The following ATG10 variants were observed in gnomAD, a reference collection of about 807,000 sequenced individuals.
The protein encoded by ATG10 is ubiquitin-like-conjugating enzyme ATG10.
A neutral mutation model predicts 32.1 loss-of-function variants in ATG10; 30 were observed. That is an observed-to-expected ratio of 0.94 (90% CI 0.70 to 1.27). ATG10 has a LOEUF of 1.27. Ranked by LOEUF, ATG10 falls within the 50% of genes most tolerant of loss-of-function variation. The pLI, the probability that ATG10 is intolerant of heterozygous loss-of-function variation, is 0.00. For synonymous variants in ATG10, 87 were observed against 91.5 expected (o/e 0.95, Z 0.28); for missense variants, 233 against 262.3 (o/e 0.89, Z 0.77).
intron 2 of ATG10, among the ~76,000 whole-genome samples, chr5:82,041,762 C>T (rs1447873185): frequency 1.3e-5 from 2 of 151,710 alleles, no homozygotes; most frequent in Non-Finnish European, 2.9e-5. Flanking sequence ...TTTTAGGCCA[C>T]TTATGTCTCA....
In ATG10 at chr5:82,069,086, A is replaced by C. The variant is rs191792365; in HGVS notation, c.216+10484A>C. 1.4e-4 allele frequency among the ~76,000 whole-genome samples: 21 copies of C among 152,256 alleles called. No homozygotes were observed. The East Asian group carries it at 3.5e-3, about 25-fold the overall frequency. On this transcript the variant is annotated intron_variant, in intron 3 of 7. Transcript: ENST00000282185. ...ATATTTACAATTTTATTCCTTAGTT[A>C]AAAAGATTAATTTAAAAATACTTTA...
At chr5:82,038,644 T>G (rs767097992) in intron 2 of ATG10, among the ~76,000 whole-genome samples, 6 of 152,230 alleles carry the variant, frequency 3.9e-5, no homozygotes, top group Non-Finnish European at 8.8e-5. Flanking sequence ...TTCTAAGCTC[T>G]TCCGAGCAGA....
intron 5 of ATG10, among the ~76,000 whole-genome samples, chr5:82,228,913 C>T (rs1175174959): frequency 2.0e-5 from 3 of 152,148 alleles, no homozygotes; most frequent in African/African-American, 4.8e-5. Context: ...GCTATAAGAA[C>T]AATACCTTCC....
chr5:81,993,991 A>G (rs577647749), intron 2 of ATG10, among the ~76,000 whole-genome samples: 2 of 152,232 alleles, frequency 1.3e-5, no homozygotes, highest in East Asian at 1.9e-4. Flanking sequence ...AATGTTTACC[A>G]TCTTTTCTTT....
chr5:82,237,804 A>G (rs944881996), intron 5 of ATG10, among the ~76,000 whole-genome samples: 1 of 152,188 alleles, frequency 6.6e-6, no homozygotes, highest in Non-Finnish European at 1.5e-5. Context: ...TGAATGGTAG[A>G]TGCCCTAATG....
chr5:82,085,679 G>C (rs1037925747), intron 3 of ATG10, among the ~76,000 whole-genome samples: 9 of 151,758 alleles, frequency 5.9e-5, no homozygotes, highest in African/African-American at 2.2e-4. Context: ...GATACATGTA[G>C]AATATAGAAT....
chr5:82,100,000 GTTTTTTTTTTTTTT>G (rs869311526), intron 3 of ATG10, among the ~76,000 whole-genome samples: 2 of 58,958 alleles, frequency 3.4e-5, no homozygotes, highest in Admixed American at 4.1e-4. Context: ...CTTTTTCTGT[GTTTTTTTTTTTTTT>G]TTTTTTTTTT....
At chr5:82,021,919 A>G (rs1438091474) in intron 2 of ATG10, among the ~76,000 whole-genome samples, 1 of 151,966 alleles carries the variant, frequency 6.6e-6, no homozygotes, top group Non-Finnish European at 1.5e-5. Flanking sequence ...GCTACTCAGG[A>G]GGCTGAGGCA....
At chr5:82,009,909 C>G in intron 2 of ATG10, 19 of 1,610,722 alleles carry the variant, frequency 1.2e-5, no homozygotes, top group Non-Finnish European at 1.6e-5. Flanking sequence ...ACCACCCTGA[C>G]ACATAAACCC....
chr5:82,109,734 C>T (rs1313590534), intron 3 of ATG10, among the ~76,000 whole-genome samples: 1 of 150,030 alleles, frequency 6.7e-6, no homozygotes, highest in African/African-American at 2.4e-5. Flanking sequence ...TTCTTCGCTC[C>T]TTCCCTTCCT....
chr5:82,178,966 A>T (rs11951734), intron 5 of ATG10, among the ~76,000 whole-genome samples: 1 of 152,164 alleles, frequency 6.6e-6, no homozygotes, highest in African/African-American at 2.4e-5. Context: ...AATGCATTTC[A>T]TACACCTAAT....
intron 5 of ATG10, among the ~76,000 whole-genome samples, chr5:82,225,049 T>G (rs1746067256): frequency 2.0e-5 from 3 of 152,220 alleles, no homozygotes; most frequent in South Asian, 4.1e-4. Flanking sequence ...AAGCTGACAT[T>G]TCTTCAATAT....
At chr5:82,081,358 C>T (rs1345935683) in intron 3 of ATG10, among the ~76,000 whole-genome samples, 1 of 152,194 alleles carries the variant, frequency 6.6e-6, no homozygotes. Context: ...ATTTCTTTCT[C>T]TTGCCTGATT....
intron 5 of ATG10, among the ~76,000 whole-genome samples, chr5:82,214,447 T>G (rs866483524): frequency 4.0e-4 from 61 of 152,318 alleles, no homozygotes; most frequent in African/African-American, 1.4e-3. Context: ...TACAAAAGAT[T>G]TGCAGTTGCA....
At chr5:82,067,231 C>G (rs1054435514) in intron 3 of ATG10, among the ~76,000 whole-genome samples, 1 of 152,010 alleles carries the variant, frequency 6.6e-6, no homozygotes, top group African/African-American at 2.4e-5. Flanking sequence ...GTAGTGTGGT[C>G]TGTGAGAGGG....
rs1747427159 is a variant in ATG10 at position 82,255,395 on chromosome 5, T to C, written c.*1332T>C. 1 of 150,222 alleles carries C rather than the reference T, an allele frequency of 6.7e-6. No homozygotes were observed. The highest frequency in any genetic ancestry group is 1.5e-5 in the Non-Finnish European group (1 of 67,418). The allele number at this position is 150,222 out of a possible 1,614,324, so 9.3% of individuals were successfully genotyped here. The stretch of plus-strand genomic sequence containing the variant: ...TTAAGATAAACCTAACCTGGAACAA[T>C]TTTTTTTTTGGTTGCTTGTTTTGTT... On this transcript the variant is annotated 3_prime_UTR_variant, in exon 8 of 8. Transcript: ENST00000282185.
intron 3 of ATG10, among the ~76,000 whole-genome samples, chr5:82,096,417 T>A (rs965155727): frequency 3.3e-5 from 5 of 152,170 alleles, no homozygotes; most frequent in Non-Finnish European, 4.4e-5. Flanking sequence ...ACCCTCCCCC[T>A]CTGAATATTG....
chr5:82,243,000 G>C (rs1199659021), intron 5 of ATG10: 2 of 312,656 alleles, frequency 6.4e-6, no homozygotes, highest in Admixed American at 9.3e-5. Flanking sequence ...CTAGACAACA[G>C]TAGTACATAA....
At chr5:82,137,612 A>G (rs1766817791) in intron 3 of ATG10, among the ~76,000 whole-genome samples, 1 of 152,164 alleles carries the variant, frequency 6.6e-6, no homozygotes. Flanking sequence ...GCCACCTGTC[A>G]GATGCCAGCC....
Sources: gnomAD v4.1 joint callset for allele counts (sites outside exome capture counted in the v4.1 genomes callset) on GRCh38, gnomAD v4.1.1 for gene constraint, MANE v1.5 for transcripts, NCBI Gene and HGNC (gene_info 2026-07-23, HGNC 2026-07-21) for gene names.